Variants in CNTN4 observed in about 807,000 individuals in gnomAD.
CNTN4 encodes the protein contactin-4.
CNTN4 carries 77 observed loss-of-function variants against 122.5 expected under a neutral mutation model. The observed-to-expected ratio is 0.63, with a 90% CI of 0.52 to 0.76. CNTN4 has a LOEUF of 0.76. Among genes scored for constraint, CNTN4 ranks in the 30% least tolerant of loss-of-function variants. The pLI, the probability that CNTN4 is intolerant of heterozygous loss-of-function variation, is 0.00. For missense variants in CNTN4, 1,256 were observed against 1,259.1 expected (o/e 1.00, Z 0.04); for synonymous variants, 512 against 447.0 (o/e 1.15, Z -1.83).
chr3:2,955,822 G>T (rs575813349), intron 13 of CNTN4, among the ~76,000 whole-genome samples: 26 of 152,290 alleles, frequency 1.7e-4, no homozygotes, highest in African/African-American at 6.0e-4. Flanking sequence ...ATATTGTGAA[G>T]AAATTGGAAC....
At chr3:2,730,743 C>T (rs2088617599) in intron 4 of CNTN4, among the ~76,000 whole-genome samples, 1 of 152,112 alleles carries the variant, frequency 6.6e-6, no homozygotes, top group Non-Finnish European at 1.5e-5. Context: ...ATCTGCCTCA[C>T]TTCCTTGAGT....
chr3:2,193,834 A>T (rs753795207), intron 2 of CNTN4, among the ~76,000 whole-genome samples: 17 of 152,206 alleles, frequency 1.1e-4, no homozygotes, highest in Non-Finnish European at 2.1e-4. Flanking sequence ...TGCCCACAGT[A>T]TTTGGGACAG....
intron 2 of CNTN4, among the ~76,000 whole-genome samples, chr3:2,187,392 G>T (rs545550937): frequency 6.6e-6 from 1 of 152,284 alleles, no homozygotes; most frequent in Admixed American, 6.5e-5. Context: ...TTTGGCTTAG[G>T]ATTGTCTTGG....
At chr3:2,174,273 A>G (rs2036647421) in intron 2 of CNTN4, among the ~76,000 whole-genome samples, 1 of 152,228 alleles carries the variant, frequency 6.6e-6, no homozygotes, top group South Asian at 2.1e-4. Context: ...ATGGAGGTGT[A>G]TAAGAAAACT....
intron 3 of CNTN4, among the ~76,000 whole-genome samples, chr3:2,361,225 C>T (rs1343638089): frequency 6.6e-6 from 1 of 151,918 alleles, no homozygotes; most frequent in Non-Finnish European, 1.5e-5. Context: ...CTGTATTAAC[C>T]TCACCCACCT....
At chr3:2,246,888 G>A (rs1462359313) in intron 2 of CNTN4, among the ~76,000 whole-genome samples, 1 of 151,934 alleles carries the variant, frequency 6.6e-6, no homozygotes, top group Non-Finnish European at 1.5e-5. Context: ...ATGTGGCTGC[G>A]ATTTGGACAT....
intron 3 of CNTN4, among the ~76,000 whole-genome samples, chr3:2,567,331 C>T (rs1459043723): frequency 6.6e-6 from 1 of 151,828 alleles, no homozygotes; most frequent in African/African-American, 2.4e-5. Flanking sequence ...CGTGATCCAC[C>T]CACCTCGGCC....
At chr3:2,745,759 A>G (rs1178441195) in intron 6 of CNTN4, 62 bp downstream of exon 6, 1 of 1,424,444 alleles carries the variant, frequency 7.0e-7, no homozygotes, top group Non-Finnish European at 9.9e-7. Context: ...TTATACCAAT[A>G]AGCTTTTATA....
intron 2 of CNTN4, among the ~76,000 whole-genome samples, chr3:2,107,132 A>C (rs2032512317): frequency 6.6e-6 from 1 of 152,288 alleles, no homozygotes; most frequent in Non-Finnish European, 1.5e-5. Context: ...AAACTTTCTG[A>C]CATCTTCCTG....
intron 7 of CNTN4, among the ~76,000 whole-genome samples, chr3:2,831,009 T>G (rs575947451): frequency 7.2e-5 from 11 of 152,020 alleles, no homozygotes; most frequent in Admixed American, 2.0e-4. Flanking sequence ...AACCTAGGAG[T>G]CTTAGGCACA....
intron 4 of CNTN4, among the ~76,000 whole-genome samples, chr3:2,607,306 C>T (rs1323929544): frequency 6.6e-6 from 1 of 152,042 alleles, no homozygotes; most frequent in African/African-American, 2.4e-5. Flanking sequence ...CCTAGAAAAG[C>T]AGGTGCATAT....
chr3:2,645,785 T>C (rs1470444059), intron 4 of CNTN4, among the ~76,000 whole-genome samples: 1 of 152,198 alleles, frequency 6.6e-6, no homozygotes, highest in Non-Finnish European at 1.5e-5. Flanking sequence ...AGAAAGCTAG[T>C]CCTTGCCTCA....
At chr3:2,512,968 A>T (rs2149085824) in intron 3 of CNTN4, among the ~76,000 whole-genome samples, 1 of 152,260 alleles carries the variant, frequency 6.6e-6, no homozygotes, top group South Asian at 2.1e-4. Flanking sequence ...CTCAAAATAG[A>T]TGGTTGTCTA....
At chr3:2,153,862 A>C (rs1279519564) in intron 2 of CNTN4, among the ~76,000 whole-genome samples, 2 of 152,138 alleles carry the variant, frequency 1.3e-5, no homozygotes, top group Non-Finnish European at 2.9e-5. Flanking sequence ...ACATGGGGTA[A>C]TGGTATTAGG....
chr3:2,874,364 T>C (rs1452310713), intron 8 of CNTN4, among the ~76,000 whole-genome samples: 1 of 152,230 alleles, frequency 6.6e-6, no homozygotes, highest in African/African-American at 2.4e-5. Context: ...TTTACTGGAA[T>C]TATTGAATTG....
At chr3:2,162,216 TTTTG>T (rs2035994310) in intron 2 of CNTN4, among the ~76,000 whole-genome samples, 1 of 152,238 alleles carries the variant, frequency 6.6e-6, no homozygotes, top group Non-Finnish European at 1.5e-5. Context: ...AATTACTCAT[TTTTG>T]TTTATCAACA....
At chr3:2,697,397 T>C (rs2086100434) in intron 4 of CNTN4, among the ~76,000 whole-genome samples, 2 of 152,170 alleles carry the variant, frequency 1.3e-5, no homozygotes, top group African/African-American at 4.8e-5. Context: ...CGTCTCTGTC[T>C]CCCAGACTTA....
chr3:2,284,989 C>CTA (rs572307843), intron 2 of CNTN4, among the ~76,000 whole-genome samples: 11 of 151,702 alleles, frequency 7.3e-5, no homozygotes, highest in Non-Finnish European at 1.6e-4. Flanking sequence ...TTTATTCTCT[C>CTA]TATATATATT....
chr3:2,358,236 T>C (rs1425857555), intron 3 of CNTN4, among the ~76,000 whole-genome samples: 4 of 152,214 alleles, frequency 2.6e-5, no homozygotes, highest in African/African-American at 9.7e-5. Flanking sequence ...TTTGGTAGTT[T>C]CTGTGACCTT....
Sources: gnomAD v4.1 joint callset for allele counts (sites outside exome capture counted in the v4.1 genomes callset) on GRCh38, gnomAD v4.1.1 for gene constraint, MANE v1.5 for transcripts, NCBI Gene and HGNC (gene_info 2026-07-23, HGNC 2026-07-21) for gene names.